The following SLC6A6 variants were observed in gnomAD, a reference collection of about 807,000 sequenced individuals.
SLC6A6 encodes the protein solute carrier family 6 member 6, also known as sodium- and chloride-dependent taurine transporter.
Under a neutral mutation model 68.8 loss-of-function variants are expected in SLC6A6, and 16 were observed. That is an observed-to-expected ratio of 0.23 (90% CI 0.16 to 0.35). The LOEUF (loss-of-function observed/expected upper bound fraction) is 0.35, where lower values mean the gene tolerates loss of function less well. Among genes scored for constraint, SLC6A6 ranks in the 10% least tolerant of loss-of-function variants. SLC6A6 has a pLI of 1.00. For missense variants in SLC6A6, 474 were observed against 802.8 expected, an observed-to-expected ratio of 0.59 and a Z score of 4.95; for synonymous variants, 312 against 315.4, an observed-to-expected ratio of 0.99 and a Z score of 0.12.
chr3:14,477,271 T>A lies in SLC6A6; in HGVS notation c.1276T>A (p.Tyr426Asn), dbSNP rs1172409231. The A allele has an allele frequency of 6.2e-7, 1 of 1,613,208 alleles. No individual in the cohort carries two copies. The highest frequency in any genetic ancestry group is 2.2e-5 in the East Asian group (1 of 44,878). The change falls in exon 11 of 15, where the codon TAT becomes AAT. Residue 426 changes from tyrosine (Y) to asparagine (N), a missense_variant. Tyr to Asn is a moderately radical substitution (Grantham distance 143). Transcript: ENST00000622186. This position sits in a 1 kb window ranked among gnomAD's most constrained non-coding sequence, Gnocchi z 4.2. Reference sequence around the variant, plus strand: ...TTACCCATCCTTCCTAAGGAAGGGTTATCGTCGGGAAATCTTCATCGCCTT... The same window carrying A: ...TTACCCATCCTTCCTAAGGAAGGGTAATCGTCGGGAAATCTTCATCGCCTT... ...DLYPSFLRKGYRREIFIAFVC... is the reference protein window; with the variant it reads ...DLYPSFLRKGNRREIFIAFVC...
chr3:14,431,848 A>C (rs1451226598), intron 2 of SLC6A6, among the ~76,000 whole-genome samples: 1 of 152,168 alleles, frequency 6.6e-6, no homozygotes, highest in African/African-American at 2.4e-5. Flanking sequence ...AGGGGGAAAA[A>C]CATGTTTAAA....
Position 14,481,597 on chromosome 3 carries a change from C to T in SLC6A6, c.1552-74C>T. On this transcript the variant is annotated intron_variant, in intron 13 of 14. Transcript: ENST00000622186. This position sits in a 1 kb window ranked among gnomAD's most constrained non-coding sequence, Gnocchi z 4.7. ...AGAGACCCTTCCCTCAGGTTGAGGC[C>T]AGTCCTAGTCCCAGAAGCCCCCCAC... 1 of 1,006,324 alleles carries T rather than the reference C, an allele frequency of 9.9e-7. No individual in the cohort carries two copies. Among genetic ancestry groups the T allele is most frequent in the Non-Finnish European group, 1.5e-6 (1 of 655,096 alleles). 62.3% of individuals were successfully genotyped at this position (1,006,324 alleles called of 1,614,324 possible).
chr3:14,438,513 G>A (rs1699911267), intron 2 of SLC6A6, among the ~76,000 whole-genome samples: 1 of 152,196 alleles, frequency 6.6e-6, no homozygotes, highest in Admixed American at 6.5e-5. Flanking sequence ...TCCACAGCAA[G>A]CCTAGTGGGC....
At chr3:14,436,500 A>C (rs3926430) in intron 2 of SLC6A6, among the ~76,000 whole-genome samples, 1 of 102,596 alleles carries the variant, frequency 9.7e-6, no homozygotes, top group Non-Finnish European at 1.9e-5. Context: ...CACCACGCCC[A>C]CCCAGGAATA....
At chr3:14,456,464 G>T (rs1309690380) in intron 5 of SLC6A6, among the ~76,000 whole-genome samples, 1 of 152,212 alleles carries the variant, frequency 6.6e-6, no homozygotes, top group Admixed American at 6.5e-5. Flanking sequence ...TGTTCTAGGT[G>T]CTGGGAACAC....
intron 2 of SLC6A6, among the ~76,000 whole-genome samples, chr3:14,433,434 AC>A (rs1278467565): frequency 1.5e-4 from 23 of 152,042 alleles, no homozygotes; most frequent in African/African-American, 5.6e-4. Flanking sequence ...CTGGCCACCC[AC>A]CCCGCAGGTT....
chr3:14,435,064 C>T (rs187380988), intron 2 of SLC6A6, among the ~76,000 whole-genome samples: 77 of 152,364 alleles, frequency 5.1e-4, no homozygotes, highest in African/African-American at 1.7e-3. Context: ...CACTGTCATC[C>T]ACTCTTCCCC....
intron 6 of SLC6A6, among the ~76,000 whole-genome samples, chr3:14,462,205 T>C (rs1378371572): frequency 6.6e-6 from 1 of 152,160 alleles, no homozygotes; most frequent in Non-Finnish European, 1.5e-5. Context: ...CAGGGGCTTG[T>C]CCTCGGAGCA....
intron 6 of SLC6A6, among the ~76,000 whole-genome samples, chr3:14,459,599 C>T (rs1700448901): frequency 6.6e-6 from 1 of 152,170 alleles, no homozygotes; most frequent in African/African-American, 2.4e-5. Context: ...CTGCCCGGAA[C>T]AGGCGGGAGC....
chr3:14,474,184 C>T (rs1700818734), intron 10 of SLC6A6, among the ~76,000 whole-genome samples: 1 of 152,230 alleles, frequency 6.6e-6, no homozygotes, highest in South Asian at 2.1e-4. Context: ...AATCTGATCG[C>T]ACAGGTGGGG....
intron 2 of SLC6A6, among the ~76,000 whole-genome samples, chr3:14,420,081 C>G (rs1156315411): frequency 6.6e-6 from 1 of 152,220 alleles, no homozygotes; most frequent in East Asian, 1.9e-4. Context: ...ACATTCGCTT[C>G]CTAGAAGGCT....
intron 2 of SLC6A6, among the ~76,000 whole-genome samples, chr3:14,426,527 G>A (rs1435943500): frequency 2.0e-5 from 3 of 152,166 alleles, no homozygotes; most frequent in East Asian, 1.9e-4. Context: ...ACACAGTCTC[G>A]CTACTTTCGG....
At position 14,443,693 on chromosome 3, in the gene SLC6A6, C is replaced by T. The variant is rs1700043988; in HGVS notation, c.59C>T (p.Pro20Leu). 6.2e-7 allele frequency: 1 copy of T among 1,614,088 alleles called. No homozygotes were observed. Among genetic ancestry groups the T allele is most frequent in the South Asian group, 1.1e-5 (1 of 91,082 alleles). Residue 20 changes from proline to leucine, a missense_variant, in exon 3 of 15, where the codon CCC (proline) becomes CTC (leucine). Physicochemically the swap from Pro to Leu is moderately conservative, Grantham distance 98 (BLOSUM62 -3). This residue lies in a region of SLC6A6 where 280 missense variants were observed against 533.1 expected (regional missense o/e 0.53). Coordinates refer to ENST00000622186, the MANE Select transcript of SLC6A6 (RefSeq NM_003043.6). ...LKDFHKDILKPSPGKSPGTRP... is the reference protein window; with the variant it reads ...LKDFHKDILKLSPGKSPGTRP... The stretch of plus-strand genomic sequence containing the variant: ...GATTTCCACAAGGACATCCTGAAGC[C>T]CTCACCAGGGAAGAGCCCAGGCACG...
Position 14,472,289 on chromosome 3 carries a change from T to C in SLC6A6, c.1181T>C (p.Met394Thr). The C allele has an allele frequency of 1.9e-6, 3 of 1,610,980 alleles. No homozygotes were observed. Among genetic ancestry groups the C allele is most frequent in the Non-Finnish European group, 2.5e-6 (3 of 1,177,144 alleles). ...TTTTGGTCCATTCTTTTTTTTATTA[T>C]GCTTCTCTTGCTTGGACTGGATAGC... is the stretch of plus-strand genomic sequence containing the variant. ...PTFWSILFFI[M>T]LLLLGLDSQF... Residue 394 changes from methionine (M) to threonine (T), a missense_variant, in exon 10 of 15, where the codon ATG becomes ACG. Physicochemically the swap from Met to Thr is moderately conservative, Grantham distance 81. This residue lies in a region of SLC6A6 where 280 missense variants were observed against 533.1 expected (regional missense o/e 0.53). Coordinates refer to ENST00000622186, the MANE Select transcript of SLC6A6 (RefSeq NM_003043.6). The surrounding 1 kb of genome is among the most constrained non-coding windows in gnomAD (Gnocchi z 4.5).
At position 14,472,213 on chromosome 3, in the gene SLC6A6, C is replaced by G; in HGVS notation, c.1105C>G (p.Leu369Val). 1 of 1,610,542 alleles carries G rather than the reference C, an allele frequency of 6.2e-7. No individual in the cohort carries two copies. The highest frequency in any genetic ancestry group is 8.5e-7 in the Non-Finnish European group (1 of 1,176,670). ...IADVAESGPG[L>V]AFIAYPKAVT... ...TTTTCTTTCCTTTCTAGGTCCTGGC[C>G]TGGCCTTCATTGCCTACCCAAAAGC... The change falls in exon 10 of 15, where the codon CTG (leucine) becomes GTG (valine). Residue 369 changes from leucine (L) to valine (V), a missense_variant. Around this residue, in one of 2 missense-constraint regions of SLC6A6, gnomAD observed 280 missense variants for 533.1 expected, o/e 0.53. Coordinates refer to ENST00000622186, the MANE Select transcript of SLC6A6 (RefSeq NM_003043.6). This position sits in a 1 kb window ranked among gnomAD's most constrained non-coding sequence, Gnocchi z 4.5.
intron 2 of SLC6A6, among the ~76,000 whole-genome samples, chr3:14,419,216 C>G (rs1865888): frequency 0.83 from 127,087 of 152,250 alleles, 53,455 homozygotes; most frequent in East Asian, 0.96. Context: ...TCCAAGCAGC[C>G]CTCTTGGCTT....
At position 14,477,456 on chromosome 3, in the gene SLC6A6, C is replaced by G. The variant is rs998256614; in HGVS notation, c.1347+114C>G. ...CAGGTAGGGGCTTCATCTCCCAGCCCCACCCAATTCAGGGGTCCTGCTTGG... is the reference window on the plus strand; with the variant it reads ...CAGGTAGGGGCTTCATCTCCCAGCCGCACCCAATTCAGGGGTCCTGCTTGG... On this transcript the variant is annotated intron_variant, in intron 11 of 14. Coordinates refer to ENST00000622186, the MANE Select transcript of SLC6A6 (RefSeq NM_003043.6). The surrounding 1 kb of genome is among the most constrained non-coding windows in gnomAD (Gnocchi z 4.2). The G allele has an allele frequency of 1.1e-5, 12 of 1,086,932 alleles. No homozygotes were observed. Among genetic ancestry groups the G allele is most frequent in the Middle Eastern group, 5.2e-4 (2 of 3,878 alleles). 67.3% of individuals were successfully genotyped at this position (1,086,932 alleles called of 1,614,324 possible).
intron 5 of SLC6A6, among the ~76,000 whole-genome samples, chr3:14,449,501 A>G (rs1451449995): frequency 6.6e-6 from 1 of 152,142 alleles, no homozygotes; most frequent in Non-Finnish European, 1.5e-5. Flanking sequence ...CCACTCCTGG[A>G]CACTGGCACT....
intron 2 of SLC6A6, among the ~76,000 whole-genome samples, chr3:14,423,078 A>C (rs1176445428): frequency 1.3e-5 from 2 of 152,224 alleles, no homozygotes; most frequent in African/African-American, 4.8e-5. Flanking sequence ...CAAGGGGGCA[A>C]GGTGGGAAGA....
Sources: gnomAD v4.1 joint callset for allele counts (sites outside exome capture counted in the v4.1 genomes callset) on GRCh38, gnomAD v4.1.1 for gene constraint, gnomAD v4.1.1 regional missense constraint, Gnocchi (gnomAD v3.1) non-coding constraint, MANE v1.5 for transcripts, NCBI Gene and HGNC (gene_info 2026-07-23, HGNC 2026-07-21) for gene names.